Variants in RABGAP1L observed in about 807,000 individuals in gnomAD.
The protein encoded by RABGAP1L is rab GTPase-activating protein 1-like.
In RABGAP1L, 63 loss-of-function variants were observed where a neutral mutation model predicts 137.7. That is an observed-to-expected ratio of 0.46 (90% CI 0.37 to 0.56). RABGAP1L has a LOEUF of 0.56. Ranked by LOEUF, RABGAP1L falls within the 20% of genes least tolerant of loss-of-function variation. The pLI is 0.00. For missense variants in RABGAP1L, 1,095 were observed against 1,244.0 expected (o/e 0.88, Z 1.80); for synonymous variants, 431 against 433.7 (o/e 0.99, Z 0.08).
intron 13 of RABGAP1L, among the ~76,000 whole-genome samples, chr1:174,551,019 T>TACAC (rs200554387): frequency 0.073 from 8,430 of 115,948 alleles, 586 homozygotes; most frequent in East Asian, 0.3. Context: ...TATATATATA[T>TACAC]ATACATACAC....
chr1:174,844,542 C>T (rs1157367591), intron 19 of RABGAP1L, among the ~76,000 whole-genome samples: 6 of 70,518 alleles, frequency 8.5e-5, no homozygotes, highest in African/African-American at 1.2e-4. Flanking sequence ...TGTAGGTATG[C>T]GGCGTTATTT....
intron 18 of RABGAP1L, among the ~76,000 whole-genome samples, chr1:174,764,123 C>T (rs545763085): frequency 6.6e-6 from 1 of 152,224 alleles, no homozygotes; most frequent in East Asian, 1.9e-4. Context: ...TTATCCATGT[C>T]GTAGCATATA....
chr1:174,896,799 A>C (rs1195696325), intron 19 of RABGAP1L, among the ~76,000 whole-genome samples: 1 of 152,006 alleles, frequency 6.6e-6, no homozygotes, highest in Non-Finnish European at 1.5e-5. Context: ...ATTGGTCTAT[A>C]TCTCTGTTTT....
intron 10 of RABGAP1L, among the ~76,000 whole-genome samples, chr1:174,279,578 T>C (rs2148680124): frequency 6.6e-6 from 1 of 152,308 alleles, no homozygotes. Context: ...CCCATTTTCA[T>C]ATTAAAAAAA....
intron 14 of RABGAP1L, among the ~76,000 whole-genome samples, chr1:174,679,207 C>T (rs1345253727): frequency 1.3e-5 from 2 of 152,090 alleles, no homozygotes; most frequent in East Asian, 1.9e-4. Context: ...TCTTTACTAC[C>T]TGATTGGTCG....
intron 11 of RABGAP1L, among the ~76,000 whole-genome samples, chr1:174,345,497 C>A (rs1329346400): frequency 2.0e-5 from 3 of 152,014 alleles, no homozygotes; most frequent in Non-Finnish European, 4.4e-5. Flanking sequence ...TTATAGAGGT[C>A]TTTCGCTTGT....
intron 7 of RABGAP1L, among the ~76,000 whole-genome samples, chr1:174,267,715 A>G (rs900202789): frequency 6.6e-6 from 1 of 152,222 alleles, no homozygotes; most frequent in Non-Finnish European, 1.5e-5. Context: ...TTTTTTAAAT[A>G]ATTAAAATAC....
intron 14 of RABGAP1L, among the ~76,000 whole-genome samples, chr1:174,681,913 A>G (rs1453291056): frequency 1.3e-5 from 2 of 152,240 alleles, no homozygotes; most frequent in East Asian, 1.9e-4. Flanking sequence ...AATGAAGTAC[A>G]ACACATAGAT....
At chr1:174,314,056 C>T (rs774258238) in intron 11 of RABGAP1L, among the ~76,000 whole-genome samples, 10 of 152,134 alleles carry the variant, frequency 6.6e-5, no homozygotes, top group South Asian at 2.1e-4. Flanking sequence ...GTTCCCTCGT[C>T]CTCTGTTTTG....
intron 13 of RABGAP1L, among the ~76,000 whole-genome samples, chr1:174,514,746 CTT>C (rs1468580981): frequency 6.6e-6 from 1 of 152,172 alleles, no homozygotes; most frequent in Non-Finnish European, 1.5e-5. Flanking sequence ...GCACCACACT[CTT>C]TTTAATCACA....
intron 18 of RABGAP1L, among the ~76,000 whole-genome samples, chr1:174,806,335 C>T (rs986959417): frequency 1.3e-5 from 2 of 152,318 alleles, no homozygotes; most frequent in Admixed American, 1.3e-4. Context: ...CATGGTAGCT[C>T]ACTCCTGTAA....
intron 12 of RABGAP1L, among the ~76,000 whole-genome samples, chr1:174,384,665 C>G (rs1481735175): frequency 1.3e-5 from 2 of 152,158 alleles, no homozygotes; most frequent in Middle Eastern, 3.4e-3. Context: ...TTATAGGTAA[C>G]TCTGTCTTAA....
intron 19 of RABGAP1L, among the ~76,000 whole-genome samples, chr1:174,954,769 A>G (rs1383937139): frequency 6.6e-6 from 1 of 152,152 alleles, no homozygotes; most frequent in Non-Finnish European, 1.5e-5. Flanking sequence ...TCTCCTCACA[A>G]TACCTTTAGC....
At chr1:174,348,216 C>A (rs1232387122) in intron 11 of RABGAP1L, among the ~76,000 whole-genome samples, 1 of 150,566 alleles carries the variant, frequency 6.6e-6, no homozygotes, top group Non-Finnish European at 1.5e-5. Context: ...TATCTTATAA[C>A]CCACTATTTT....
At chr1:174,531,959 A>G (rs1664447722) in intron 13 of RABGAP1L, among the ~76,000 whole-genome samples, 2 of 152,162 alleles carry the variant, frequency 1.3e-5, no homozygotes, top group Admixed American at 6.5e-5. Flanking sequence ...AAAATTACCA[A>G]TTATGAACAT....
chr1:174,471,717 A>G (rs1018268362), intron 13 of RABGAP1L, among the ~76,000 whole-genome samples: 4 of 152,178 alleles, frequency 2.6e-5, no homozygotes, highest in Non-Finnish European at 4.4e-5. Context: ...TCTCTTAGGA[A>G]TCTTACTTAA....
At chr1:174,861,031 A>G (rs1650176989) in intron 19 of RABGAP1L, among the ~76,000 whole-genome samples, 1 of 152,202 alleles carries the variant, frequency 6.6e-6, no homozygotes, top group Non-Finnish European at 1.5e-5. Context: ...CATACTGTAT[A>G]TTAGATCCTC....
chr1:174,409,815 C>CT (rs1649703522), intron 13 of RABGAP1L, among the ~76,000 whole-genome samples: 1 of 152,170 alleles, frequency 6.6e-6, no homozygotes, highest in Admixed American at 6.5e-5. Flanking sequence ...TGGGAAACCC[C>CT]ACCCTGGTAA....
chr1:174,393,567 T>TTG, intron 12 of RABGAP1L, among the ~76,000 whole-genome samples: 1 of 152,298 alleles, frequency 6.6e-6, no homozygotes, highest in Non-Finnish European at 1.5e-5. Context: ...GTGATAGGCC[T>TTG]ATGATCCGTT....
Sources: allele counts gnomAD v4.1 joint callset (sites outside exome capture counted in the v4.1 genomes callset), GRCh38; gene constraint gnomAD v4.1.1; transcripts MANE v1.5; gene names NCBI Gene and HGNC (gene_info 2026-07-23, HGNC 2026-07-21).